The following SLC30A8 variants were observed in gnomAD, a reference collection of about 807,000 sequenced individuals.
SLC30A8 encodes the protein solute carrier family 30 member 8, also known as proton-coupled zinc antiporter SLC30A8.
SLC30A8 carries 27 observed loss-of-function variants against 36.9 expected under a neutral mutation model. The observed-to-expected ratio is 0.73, with a 90% CI of 0.54 to 1.01. SLC30A8 has a LOEUF of 1.01. SLC30A8 is among the 50% of genes least tolerant of loss of function. The pLI, the probability that SLC30A8 is intolerant of heterozygous loss-of-function variation, is 0.00. For synonymous variants in SLC30A8, 164 were observed against 172.4 expected, an observed-to-expected ratio of 0.95 and a Z score of 0.38; for missense variants, 439 against 452.0, an observed-to-expected ratio of 0.97 and a Z score of 0.26.
chr8:117,112,597 G>C (rs112890804), intron 2 of SLC30A8, among the ~76,000 whole-genome samples: 5 of 152,222 alleles, frequency 3.3e-5, no homozygotes, highest in African/African-American at 1.2e-4. Context: ...AAATGAAGAT[G>C]CTGAATTTTG....
intron 2 of SLC30A8, among the ~76,000 whole-genome samples, chr8:117,123,527 A>C (rs1820771891): frequency 6.6e-6 from 1 of 152,026 alleles, no homozygotes; most frequent in South Asian, 2.1e-4. Flanking sequence ...TTTGTGAGAT[A>C]CTTTTTGTGT....
In SLC30A8 at chr8:116,973,816, G is replaced by A. The variant is rs576058847; in HGVS notation, c.-266+22697G>A. On this transcript the variant is annotated intron_variant, in intron 1 of 10. Transcript: ENST00000427715. ...TTACAAGGCTACAGTAACCAAAACA[G>A]CATGGTAGTGGTACCAAAACAGAGA... Among the ~76,000 whole-genome samples the A allele has an allele frequency of 1.2e-4, 18 of 152,264 alleles. No individual in the cohort carries two copies. In the South Asian group the frequency reaches 2.1e-3, roughly 18 times the overall value.
intron 2 of SLC30A8, among the ~76,000 whole-genome samples, chr8:117,039,532 C>T (rs566064833): frequency 1.9e-4 from 29 of 152,286 alleles, no homozygotes; most frequent in Admixed American, 3.9e-4. Context: ...CCTGTAGTCA[C>T]GTTAGGCTCT....
intron 1 of SLC30A8, among the ~76,000 whole-genome samples, chr8:116,973,407 G>A (rs1363774308): frequency 2.0e-5 from 3 of 152,146 alleles, no homozygotes; most frequent in African/African-American, 7.2e-5. Context: ...GACAAACAGA[G>A]AGCCAAATCA....
chr8:117,096,613 A>G (rs1394492684), intron 2 of SLC30A8, among the ~76,000 whole-genome samples: 2 of 149,268 alleles, frequency 1.3e-5, no homozygotes, highest in Admixed American at 6.6e-5. Flanking sequence ...TAAAATTACT[A>G]GTGTAAATGC....
intron 2 of SLC30A8, among the ~76,000 whole-genome samples, chr8:117,066,452 C>T (rs1818173981): frequency 1.3e-5 from 2 of 152,184 alleles, no homozygotes; most frequent in African/African-American, 2.4e-5. Flanking sequence ...TTATAGACAC[C>T]TGTTGTTTAT....
intron 1 of SLC30A8, among the ~76,000 whole-genome samples, chr8:117,022,685 A>G (rs976336939): frequency 1.3e-5 from 2 of 152,212 alleles, no homozygotes; most frequent in Non-Finnish European, 2.9e-5. Context: ...TGTAGAAAGC[A>G]GAAACTGGAT....
intron 2 of SLC30A8, among the ~76,000 whole-genome samples, chr8:117,151,052 C>T (rs1822160494): frequency 6.6e-6 from 1 of 152,164 alleles, no homozygotes; most frequent in Non-Finnish European, 1.5e-5. Context: ...CCTTCCCAGG[C>T]TCATTTCCCA....
chr8:117,119,875 A>G (rs911957476), intron 2 of SLC30A8, among the ~76,000 whole-genome samples: 4 of 151,942 alleles, frequency 2.6e-5, no homozygotes, highest in African/African-American at 9.7e-5. Flanking sequence ...TAAGAAAACA[A>G]TCCCATTTAC....
chr8:117,042,370 C>T (rs1044849864), intron 2 of SLC30A8, among the ~76,000 whole-genome samples: 1 of 152,182 alleles, frequency 6.6e-6, no homozygotes, highest in East Asian at 1.9e-4. Flanking sequence ...TTTACATTTT[C>T]GTCTGGTTGA....
intron 2 of SLC30A8, among the ~76,000 whole-genome samples, chr8:117,085,057 A>G (rs1818819691): frequency 6.6e-6 from 1 of 152,148 alleles, no homozygotes; most frequent in Non-Finnish European, 1.5e-5. Context: ...TTTCTGGAAC[A>G]GATAGGCACA....
intron 1 of SLC30A8, chr8:117,017,929 T>C (rs1235440808): frequency 2.6e-5 from 4 of 152,218 alleles, no homozygotes; most frequent in African/African-American, 9.7e-5. Flanking sequence ...TGTAACCATA[T>C]TTGAAAAGTT....
At chr8:117,006,955 GTTTTTTTTT>G (rs869111415) in intron 1 of SLC30A8, 1 of 38,126 alleles carries the variant, frequency 2.6e-5, no homozygotes, top group African/African-American at 1.1e-4. Context: ...GCTAATTCTT[GTTTTTTTTT>G]TTTTTTTTTT....
At chr8:117,048,229 C>T (rs1352529959) in intron 2 of SLC30A8, among the ~76,000 whole-genome samples, 1 of 152,158 alleles carries the variant, frequency 6.6e-6, no homozygotes, top group African/African-American at 2.4e-5. Context: ...TAGTAGCATT[C>T]TGTGCCAAGG....
In SLC30A8 at chr8:117,175,311, T is replaced by G. The variant is rs990205081; in HGVS notation, c.*2630T>G. The G allele has an allele frequency of 6.6e-6, 1 of 152,130 alleles. No individual in the cohort carries two copies. Among genetic ancestry groups the G allele is most frequent in the Non-Finnish European group, 1.5e-5 (1 of 68,014 alleles). The allele number at this position is 152,130 out of a possible 1,614,324, so 9.4% of individuals were successfully genotyped here. On this transcript the variant is annotated 3_prime_UTR_variant, in exon 8 of 8. Transcript: ENST00000456015. ...AGGTCAACTTTACCACCAGCCTCCA[T>G]TTTTAATATGCTTCACCATCATCCA... is the stretch of plus-strand genomic sequence containing the variant.
intron 1 of SLC30A8, among the ~76,000 whole-genome samples, chr8:116,967,007 T>C (rs1814620538): frequency 6.6e-6 from 1 of 152,264 alleles, no homozygotes; most frequent in Non-Finnish European, 1.5e-5. Context: ...TGAGCATTTC[T>C]GACTTTTCAG....
intron 2 of SLC30A8, among the ~76,000 whole-genome samples, chr8:117,059,252 T>C (rs1335503766): frequency 1.3e-5 from 2 of 152,210 alleles, no homozygotes; most frequent in Non-Finnish European, 2.9e-5. Context: ...AAGTTGTTTC[T>C]TTCTCTTCAT....
chr8:116,961,408 A>C (rs572788032), intron 1 of SLC30A8, among the ~76,000 whole-genome samples: 2 of 150,888 alleles, frequency 1.3e-5, no homozygotes, highest in Non-Finnish European at 3.0e-5. Context: ...CAGCCTGGGC[A>C]AAAGAGCAAG....
At chr8:116,974,437 T>G (rs1358739022) in intron 1 of SLC30A8, among the ~76,000 whole-genome samples, 1 of 152,084 alleles carries the variant, frequency 6.6e-6, no homozygotes, top group East Asian at 1.9e-4. Context: ...CATGAAAAAA[T>G]GCTCGTCATC....
Sources: gnomAD v4.1 joint callset for allele counts (sites outside exome capture counted in the v4.1 genomes callset) on GRCh38, gnomAD v4.1.1 for gene constraint, MANE v1.5 for transcripts, NCBI Gene and HGNC (gene_info 2026-07-23, HGNC 2026-07-21) for gene names.